Variants in MAGI2 observed in about 807,000 individuals in gnomAD.
MAGI2 encodes membrane-associated guanylate kinase, WW and PDZ domain-containing protein 2.
MAGI2 carries 35 observed loss-of-function variants against 133.3 expected under a neutral mutation model. The observed-to-expected ratio is 0.26, with a 90% confidence interval of 0.20 to 0.35. The LOEUF is 0.35. MAGI2 is among the 10% of genes least tolerant of loss of function. The pLI, the probability that MAGI2 is intolerant of heterozygous loss-of-function variation, is 1.00. For missense variants in MAGI2, 1,636 were observed against 1,863.4 expected (o/e 0.88, Z 2.25); for synonymous variants, 729 against 710.6 (o/e 1.03, Z -0.41).
intron 10 of MAGI2, chr7:78,252,244 G>C (rs1792471693): frequency 1.3e-5 from 2 of 151,786 alleles, no homozygotes; most frequent in Non-Finnish European, 2.9e-5. Flanking sequence ...AAAGTTGGAG[G>C]ACTAACACTC....
At chr7:78,662,634 C>T (rs1813097936) in intron 2 of MAGI2, among the ~76,000 whole-genome samples, 1 of 151,968 alleles carries the variant, frequency 6.6e-6, no homozygotes, top group Admixed American at 6.6e-5. Flanking sequence ...TGTGTCTACA[C>T]CATCATTGCA....
At chr7:79,293,371 TTTA>T (rs1836655794) in intron 1 of MAGI2, among the ~76,000 whole-genome samples, 1 of 152,204 alleles carries the variant, frequency 6.6e-6, no homozygotes, top group Admixed American at 6.5e-5. Flanking sequence ...AAATTTCCCA[TTTA>T]TTATTTATTT....
intron 2 of MAGI2, among the ~76,000 whole-genome samples, chr7:78,925,483 A>G (rs1428933695): frequency 6.6e-6 from 1 of 151,986 alleles, no homozygotes; most frequent in Non-Finnish European, 1.5e-5. Flanking sequence ...CCCTTCTTAT[A>G]TACTAACCTC....
At chr7:79,015,354 AC>A (rs1808591461) in intron 1 of MAGI2, among the ~76,000 whole-genome samples, 1 of 152,060 alleles carries the variant, frequency 6.6e-6, no homozygotes, top group Non-Finnish European at 1.5e-5. Flanking sequence ...TTTTTTTTCA[AC>A]CTGCTGACAC....
At position 79,235,053 on chromosome 7, in the gene MAGI2, G is replaced by A. The variant is rs921739342; in HGVS notation, c.301+217967C>T. On this transcript the variant is annotated intron_variant, in intron 1 of 21. Coordinates refer to ENST00000354212, the MANE Select transcript of MAGI2 (RefSeq NM_012301.4). ...TGCAGGTCTGTTGGAATACCCTGCC[G>A]TGTGAGGTGTCAGTGTGCCCCTGCT... Among the ~76,000 whole-genome samples, 60 of 151,834 alleles carry A rather than the reference G, an allele frequency of 4.0e-4. 1 individual carries two copies. Among genetic ancestry groups the A allele is most frequent in the East Asian group, 9.7e-4 (5 of 5,158 alleles).
At chr7:78,692,721 C>T (rs938214244) in intron 2 of MAGI2, among the ~76,000 whole-genome samples, 4 of 151,952 alleles carry the variant, frequency 2.6e-5, no homozygotes, top group African/African-American at 7.3e-5. Context: ...CAAATAAATC[C>T]GGAACAAAAA....
At chr7:78,780,791 G>C (rs893989796) in intron 2 of MAGI2, among the ~76,000 whole-genome samples, 2 of 152,202 alleles carry the variant, frequency 1.3e-5, no homozygotes, top group African/African-American at 4.8e-5. Context: ...AACCTGAACA[G>C]AAAGGGAAAG....
chr7:79,130,141 T>C (rs1400785276), intron 1 of MAGI2, among the ~76,000 whole-genome samples: 1 of 135,004 alleles, frequency 7.4e-6, no homozygotes. Context: ...CTCACTTTGT[T>C]AGACTCTCTC....
At chr7:78,951,189 T>G (rs1584482791) in intron 2 of MAGI2, among the ~76,000 whole-genome samples, 1 of 152,032 alleles carries the variant, frequency 6.6e-6, no homozygotes, top group Admixed American at 6.6e-5. Flanking sequence ...GCTAGGCTGG[T>G]CTTGAACTCC....
chr7:78,838,388 A>G (rs992952081), intron 2 of MAGI2, among the ~76,000 whole-genome samples: 38 of 152,042 alleles, frequency 2.5e-4, no homozygotes, highest in African/African-American at 8.4e-4. Flanking sequence ...GCAATTGATC[A>G]TACATATCAC....
chr7:79,055,456 C>T (rs1159225789), intron 1 of MAGI2, among the ~76,000 whole-genome samples: 6 of 152,026 alleles, frequency 3.9e-5, no homozygotes, highest in African/African-American at 7.2e-5. Flanking sequence ...ATATTAAGTA[C>T]GTGCATGTGC....
intron 2 of MAGI2, among the ~76,000 whole-genome samples, chr7:78,996,976 C>G (rs1422470344): frequency 2.0e-5 from 3 of 151,902 alleles, no homozygotes; most frequent in African/African-American, 7.3e-5. Flanking sequence ...AAGGTTGTAA[C>G]AAATAAAGAT....
At chr7:79,112,797 A>T (rs2129544038) in intron 1 of MAGI2, among the ~76,000 whole-genome samples, 1 of 152,334 alleles carries the variant, frequency 6.6e-6, no homozygotes, top group South Asian at 2.1e-4. Context: ...GCATGATGAA[A>T]CTGTGCAAAG....
At chr7:78,557,967 T>C (rs957347144) in intron 3 of MAGI2, among the ~76,000 whole-genome samples, 4 of 99,236 alleles carry the variant, frequency 4.0e-5, no homozygotes, top group Admixed American at 1.3e-4. Context: ...TAGTACTTTA[T>C]TGGAACTCTT....
rs75649154 is a variant in MAGI2, at chr7:79,112,674, C to T, written c.302-105468G>A. On this transcript the variant is annotated intron_variant, in intron 1 of 21. Transcript: ENST00000354212. ...CTCAATATATGACTCTAAATGCATA[C>T]CTTTATGTTTCTCTCTTAAATGCCA... 3.8e-3 allele frequency among the ~76,000 whole-genome samples: 578 copies of T among 152,226 alleles called. 3 individuals are homozygous for T. The highest frequency in any genetic ancestry group is 0.013 in the African/African-American group (542 of 41,512).
At chr7:79,422,333 C>A (rs1563208765) in intron 1 of MAGI2, among the ~76,000 whole-genome samples, 1 of 151,794 alleles carries the variant, frequency 6.6e-6, no homozygotes, top group Non-Finnish European at 1.5e-5. Context: ...ATTTGGGTGT[C>A]CTAATCCAAA....
chr7:79,244,387 A>G (rs947778969), intron 1 of MAGI2, among the ~76,000 whole-genome samples: 89 of 152,236 alleles, frequency 5.8e-4, no homozygotes, highest in Non-Finnish European at 7.8e-4. Flanking sequence ...AATTGCTGAC[A>G]CTACCCCTCT....
intron 2 of MAGI2, among the ~76,000 whole-genome samples, chr7:78,803,584 T>C (rs888985446): frequency 6.6e-6 from 1 of 152,212 alleles, no homozygotes. Context: ...TGATTTCCTG[T>C]TTGGAGTCTG....
At chr7:79,016,592 G>T (rs186437749) in intron 1 of MAGI2, among the ~76,000 whole-genome samples, 1 of 152,226 alleles carries the variant, frequency 6.6e-6, no homozygotes. Flanking sequence ...CCCCTACATT[G>T]CTTTGCTGAG....
Sources: allele counts gnomAD v4.1 joint callset (sites outside exome capture counted in the v4.1 genomes callset), GRCh38; gene constraint gnomAD v4.1.1; transcripts MANE v1.5; gene names NCBI Gene and HGNC (gene_info 2026-07-23, HGNC 2026-07-21).